The following UCK1 variants were observed in gnomAD, a reference collection of about 807,000 sequenced individuals.
The protein encoded by UCK1 is uridine-cytidine kinase 1.
Under a neutral mutation model 34.0 loss-of-function variants are expected in UCK1, and 20 were observed. The ratio of observed to expected loss-of-function variants is 0.59; its 90% confidence interval spans 0.41 to 0.86. The LOEUF is 0.86. Among genes scored for constraint, UCK1 ranks in the 40% least tolerant of loss-of-function variants. The probability of loss-of-function intolerance (pLI) is 0.00; values close to 1 mark genes in which losing one functional copy is unlikely to be tolerated. For missense variants in UCK1, 343 were observed against 383.6 expected (o/e 0.89, Z 0.88); for synonymous variants, 168 against 155.9 (o/e 1.08, Z -0.58).
chr9:131,530,700 C>T lies in UCK1; in HGVS notation c.109-55G>A, dbSNP rs755822632. ...GGAACCGCTCGTCCTGTGACAGGCA[C>T]GGGGCCGGCTTCTGGAGACACTGAC... On this transcript the variant is annotated intron_variant, in intron 1 of 6. Coordinates refer to ENST00000372215, the MANE Select transcript of UCK1 (RefSeq NM_031432.5). 8.1e-6 allele frequency: 13 copies of T among 1,614,026 alleles called. 2 individuals are homozygous for T. The South Asian group carries it at 1.4e-4, about 18-fold the overall frequency.
chr9:131,526,025 G>A (rs750614273), intron 5 of UCK1, 48 bp from the exon 6 acceptor site: 3 of 1,610,962 alleles, frequency 1.9e-6, no homozygotes, highest in Admixed American at 1.7e-5. Flanking sequence ...TTCCTTCAAA[G>A]GTGATTTTAA....
chr9:131,530,563 T>C lies in UCK1; in HGVS notation c.191A>G (p.Gln64Arg), dbSNP rs1378298519. The C allele has an allele frequency of 3.1e-6, 5 of 1,614,248 alleles. No homozygotes were observed. Among genetic ancestry groups the C allele is most frequent in the Non-Finnish European group, 1.7e-6 (2 of 1,180,044 alleles). The change falls in exon 2 of 7, where the codon CAG (glutamine) becomes CGG (arginine). Residue 64 changes from glutamine to arginine, a missense_variant. Transcript: ENST00000372215. ...QRQRKVVILS[Q>R]DRFYKVLTAE... ...CGTCAGGACCTTGTAGAACCTGTCC[T>C]GGCTCAGGATGACCACCTTCCGCTG...
chr9:131,529,341 C>T, intron 3 of UCK1, 71 bp from the exon 4 acceptor site: 1 of 1,607,394 alleles, frequency 6.2e-7, no homozygotes, highest in Non-Finnish European at 8.5e-7. Context: ...CAGTCAGCTT[C>T]CATTGCAGGG....
intron 3 of UCK1, 54 bp downstream of exon 3, chr9:131,529,434 G>T: frequency 6.2e-7 from 1 of 1,610,840 alleles, no homozygotes; most frequent in South Asian, 1.1e-5. Context: ...GTGAGCCCGA[G>T]GGGACGTCCT....
At chr9:131,528,361 G>C (rs1163371019) in intron 5 of UCK1, among the ~76,000 whole-genome samples, 1 of 152,208 alleles carries the variant, frequency 6.6e-6, no homozygotes, top group African/African-American at 2.4e-5. Flanking sequence ...ATGGAGAAAA[G>C]ACAGGTGGGT....
chr9:131,530,228 C>T (rs1041410920), intron 2 of UCK1, among the ~76,000 whole-genome samples: 1 of 152,322 alleles, frequency 6.6e-6, no homozygotes, highest in South Asian at 2.1e-4. Flanking sequence ...TGTGGCAGGG[C>T]AGGGCAGGGC....
intron 3 of UCK1, 49 bp downstream of exon 3, chr9:131,529,439 C>T (rs367621001): frequency 7.7e-5 from 124 of 1,609,856 alleles, no homozygotes; most frequent in Non-Finnish European, 9.8e-5. Context: ...CCCGAGGGGA[C>T]GTCCTAGCTG....
intron 2 of UCK1, among the ~76,000 whole-genome samples, chr9:131,530,029 C>A (rs764318398): frequency 3.3e-5 from 5 of 152,258 alleles, no homozygotes; most frequent in Non-Finnish European, 7.3e-5. Context: ...CTCCCTGCCG[C>A]ATCTGCCCGT....
rs1053503015 is a variant in UCK1, at chr9:131,531,169, A to G, written c.6T>C (p.Ala2=). 6.1e-5 allele frequency: 86 copies of G among 1,419,560 alleles called. No homozygotes were observed. Among genetic ancestry groups the G allele is most frequent in the Non-Finnish European group, 7.6e-5 (83 of 1,087,988 alleles). 87.9% of individuals were successfully genotyped at this position (1,419,560 alleles called of 1,614,324 possible). A position where few individuals can be genotyped will look rare whatever the true frequency, so the allele number is the denominator to read the frequency against. The change falls in exon 1 of 7, where the codon GCT becomes GCC. Residue 2 remains alanine (A), a synonymous_variant. Coordinates refer to ENST00000372215, the MANE Select transcript of UCK1 (RefSeq NM_031432.5). M[A]SAGGEDCESP... ...TCTCGCAGTCTTCGCCTCCCGCCGA[A>G]GCCATCTCGGCCTCCGCTCCCGCGC...
Position 131,531,213 on chromosome 9 carries a change from C to T in UCK1, c.-39G>A. 2 of 1,352,084 alleles carry T rather than the reference C, an allele frequency of 1.5e-6. No homozygotes were observed. The highest frequency in any genetic ancestry group is 1.5e-5 in the African/African-American group (1 of 65,216). 83.8% of individuals were successfully genotyped at this position (1,352,084 alleles called of 1,614,324 possible). ...CCCGCGCATCGGGTCCCCGCGCCCG[C>T]CCCTTCCCCAGGCCCGGCGCGCCCG... On this transcript the variant is annotated 5_prime_UTR_variant, in exon 1 of 7. Coordinates refer to ENST00000372215, the MANE Select transcript of UCK1 (RefSeq NM_031432.5).
chr9:131,530,223 C>A (rs1016896103), intron 2 of UCK1, among the ~76,000 whole-genome samples: 1 of 152,216 alleles, frequency 6.6e-6, no homozygotes, highest in African/African-American at 2.4e-5. Context: ...ACAGTTGTGG[C>A]AGGGCAGGGC....
At chr9:131,525,905 C>G (rs370276477) in intron 6 of UCK1, 24 bp downstream of exon 6, 34 of 1,612,124 alleles carry the variant, frequency 2.1e-5, no homozygotes, top group Non-Finnish European at 2.8e-5. Flanking sequence ...GGCGGGGGGA[C>G]AGCCCAGCAG....
At chr9:131,526,458 C>G in intron 5 of UCK1, 1 of 1,290,280 alleles carries the variant, frequency 7.8e-7, no homozygotes, top group Non-Finnish European at 1.0e-6. Flanking sequence ...CTCATCCAAC[C>G]ACTCATTGGC....
At chr9:131,525,322 G>A in intron 6 of UCK1, 101 bp from the exon 7 acceptor site, 3 of 1,465,422 alleles carry the variant, frequency 2.0e-6, no homozygotes, top group Non-Finnish European at 2.8e-6. Context: ...CCCAACCTCT[G>A]CCCTGAGGCA....
In UCK1 at chr9:131,531,237, C is replaced by A. The variant is rs1329167893; in HGVS notation, c.-63G>T. 4.6e-6 allele frequency: 6 copies of A among 1,297,042 alleles called. No homozygotes were observed. The highest frequency in any genetic ancestry group is 3.1e-5 in the African/African-American group (2 of 63,986). The allele number at this position is 1,297,042 out of a possible 1,614,324, so 80.3% of individuals were successfully genotyped here. On this transcript the variant is annotated 5_prime_UTR_variant, in exon 1 of 7. Coordinates refer to ENST00000372215, the MANE Select transcript of UCK1 (RefSeq NM_031432.5). ...GCCCCTTCCCCAGGCCCGGCGCGCC[C>A]GCCCAGCGCCGAGGTCGGAGGCAAC...
chr9:131,526,515 G>A (rs12377531), intron 5 of UCK1: 1 of 1,289,360 alleles, frequency 7.8e-7, no homozygotes, highest in Non-Finnish European at 1.0e-6. Flanking sequence ...TGCTGAGGAA[G>A]GACAAGGATG....
In UCK1 at chr9:131,525,014, G is replaced by C; in HGVS notation, c.*26C>G. 1 of 1,600,582 alleles carries C rather than the reference G, an allele frequency of 6.2e-7. No homozygotes were observed. Among genetic ancestry groups the C allele is most frequent in the Non-Finnish European group, 8.5e-7 (1 of 1,171,036 alleles). ...CCCTGAACACACATGCCGGGCGGGA[G>C]ACCTGCCCTGAGGCTCGGCAGCCCC... On this transcript the variant is annotated 3_prime_UTR_variant, in exon 7 of 7. Transcript: ENST00000372215.
chr9:131,530,971 A>C, intron 1 of UCK1, 96 bp downstream of exon 1: 1 of 1,109,490 alleles, frequency 9.0e-7, no homozygotes. Context: ...CCTGCCTGGC[A>C]GGGGGCCCCT....
rs149364338 is a variant in UCK1, at chr9:131,525,344, G to A, written c.653-123C>T. On this transcript the variant is annotated intron_variant, in intron 6 of 6. Transcript: ENST00000372215. The stretch of plus-strand genomic sequence containing the variant: ...TCTGCCCTGAGGCACAGCCTGCGGC[G>A]AGGGGCATCGAGTCAAATCTCAGCA... 5.7e-4 allele frequency: 652 copies of A among 1,142,080 alleles called. 3 individuals carry two copies. The African/African-American group carries it at 9.1e-3, about 16-fold the overall frequency. 70.7% of individuals were successfully genotyped at this position (1,142,080 alleles called of 1,614,324 possible).
Sources: gnomAD v4.1 joint callset for allele counts (sites outside exome capture counted in the v4.1 genomes callset) on GRCh38, gnomAD v4.1.1 for gene constraint, MANE v1.5 for transcripts, NCBI Gene and HGNC (gene_info 2026-07-23, HGNC 2026-07-21) for gene names.